Variants in MED12L observed in about 807,000 individuals in gnomAD.
The protein encoded by MED12L is mediator of RNA polymerase II transcription subunit 12-like protein.
In MED12L, 60 loss-of-function variants were observed where a neutral mutation model predicts 281.3. That is an observed-to-expected ratio of 0.21 (90% CI 0.17 to 0.26). MED12L has a LOEUF of 0.26. MED12L is among the 10% of genes least tolerant of loss of function. The pLI, the probability that MED12L is intolerant of heterozygous loss-of-function variation, is 1.00. For missense variants in MED12L, 2,146 were observed against 2,680.9 expected, an observed-to-expected ratio of 0.80 and a Z score of 4.41; for synonymous variants, 974 against 987.2, an observed-to-expected ratio of 0.99 and a Z score of 0.25.
intron 38 of MED12L, among the ~76,000 whole-genome samples, chr3:151,391,760 T>C (rs1714261192): frequency 6.6e-6 from 1 of 152,214 alleles, no homozygotes. Flanking sequence ...TTTATTATCT[T>C]CCCAGAATGT....
At chr3:151,312,027 G>A (rs1420794474) in intron 16 of MED12L, among the ~76,000 whole-genome samples, 1 of 131,252 alleles carries the variant, frequency 7.6e-6, no homozygotes, top group Non-Finnish European at 1.6e-5. Context: ...GGGTGACAAA[G>A]CGAGACTCCG....
intron 16 of MED12L, among the ~76,000 whole-genome samples, chr3:151,250,105 T>C (rs911072441): frequency 6.6e-5 from 10 of 152,294 alleles, no homozygotes; most frequent in African/African-American, 1.2e-4. Context: ...TTGTTGGAAA[T>C]GGTCTGCGTT....
At chr3:151,350,332 T>A in intron 17 of MED12L, 126 bp downstream of exon 17, 1 of 790,574 alleles carries the variant, frequency 1.3e-6, no homozygotes, top group Non-Finnish European at 1.9e-6. Context: ...ACTCTCACAT[T>A]GAAATGTGAA....
chr3:151,380,131 A>G lies in MED12L; in HGVS notation c.4497A>G (p.Gln1499=), dbSNP rs761257347. 1.2e-6 allele frequency: 2 copies of G among 1,600,706 alleles called. No homozygotes were observed. The highest frequency in any genetic ancestry group is 1.4e-5 in the African/African-American group (1 of 73,824). Residue 1499 remains glutamine, a synonymous_variant, in exon 32 of 45, where the codon CAA becomes CAG. Coordinates refer to ENST00000687756, the MANE Select transcript of MED12L (RefSeq NM_001393769.1). ...TTTGTAGTATGTCTCTTTTGAGTCAACAACCCTTCCTCTCACTGGTACTTA... is the reference window on the plus strand; with the variant it reads ...TTTGTAGTATGTCTCTTTTGAGTCAGCAACCCTTCCTCTCACTGGTACTTA... ...QKQKSMSLLS[Q]QPFLSLVLTC...
intron 11 of MED12L, among the ~76,000 whole-genome samples, chr3:151,182,630 T>C (rs1021890490): frequency 8.5e-5 from 13 of 152,134 alleles, no homozygotes; most frequent in African/African-American, 3.1e-4. Context: ...GGGCTTAGCA[T>C]GTCTGAGGGG....
intron 21 of MED12L, among the ~76,000 whole-genome samples, 157 bp from the exon 22 acceptor site, chr3:151,364,822 C>T (rs936880694): frequency 2.0e-5 from 3 of 152,006 alleles, no homozygotes; most frequent in African/African-American, 4.8e-5. Flanking sequence ...CTTTGATTAG[C>T]GCCAATTAGT....
At chr3:151,327,830 A>C (rs1437770144) in intron 16 of MED12L, 1 of 507,632 alleles carries the variant, frequency 2.0e-6, no homozygotes, top group Non-Finnish European at 3.4e-6. Flanking sequence ...GCTTATGAAT[A>C]GATCTATGTG....
rs1398411955 is a variant in MED12L, at chr3:151,383,926, T to A, written c.4790+38T>A. On this transcript the variant is annotated intron_variant, in intron 34 of 44. Coordinates refer to ENST00000687756, the MANE Select transcript of MED12L (RefSeq NM_001393769.1). Reference sequence around the variant, plus strand: ...CACTTCACATTGATTTTGCTACATGTATGCATGGTATAAGCTTTGATATAC... The same window carrying A: ...CACTTCACATTGATTTTGCTACATGAATGCATGGTATAAGCTTTGATATAC... The A allele has an allele frequency of 2.6e-6, 4 of 1,555,240 alleles. No individual in the cohort carries two copies. The East Asian group carries it at 9.0e-5, about 35-fold the overall frequency.
intron 40 of MED12L, among the ~76,000 whole-genome samples, chr3:151,409,855 G>T (rs1157477460): frequency 6.6e-6 from 1 of 151,648 alleles, no homozygotes; most frequent in East Asian, 1.9e-4. Context: ...AGTCCCAGTT[G>T]CACGGGAGGC....
At chr3:151,137,000 A>G (rs956944219) in intron 5 of MED12L, among the ~76,000 whole-genome samples, 10 of 151,916 alleles carry the variant, frequency 6.6e-5, no homozygotes, top group African/African-American at 2.4e-4. Flanking sequence ...CATCTCTACT[A>G]AAAATACAAA....
intron 16 of MED12L, among the ~76,000 whole-genome samples, chr3:151,246,685 C>T (rs1735578176): frequency 6.6e-6 from 1 of 152,218 alleles, no homozygotes; most frequent in African/African-American, 2.4e-5. Flanking sequence ...AAAACCTAGG[C>T]ATTACCATTC....
intron 16 of MED12L, among the ~76,000 whole-genome samples, chr3:151,310,454 T>G (rs1453728041): frequency 6.6e-6 from 1 of 152,210 alleles, no homozygotes; most frequent in Non-Finnish European, 1.5e-5. Flanking sequence ...GCCTACTCTT[T>G]GGGTGTTCAA....
chr3:151,199,411 C>T, intron 16 of MED12L: 2 of 1,553,608 alleles, frequency 1.3e-6, no homozygotes, highest in Non-Finnish European at 1.7e-6. Flanking sequence ...AGGATGACTG[C>T]TTATTGAAAA....
chr3:151,231,755 T>C (rs1417255335), intron 16 of MED12L, among the ~76,000 whole-genome samples: 3 of 152,200 alleles, frequency 2.0e-5, no homozygotes, highest in Non-Finnish European at 4.4e-5. Context: ...ATACAGATTC[T>C]AGATTAGGTA....
At position 151,150,177 on chromosome 3, in the gene MED12L, C is replaced by T. The variant is rs74529368; in HGVS notation, c.557-5984C>T. 3.9e-5 allele frequency among the ~76,000 whole-genome samples: 6 copies of T among 152,260 alleles called. No homozygotes were observed. In the East Asian group the frequency reaches 5.8e-4, roughly 15 times the overall value. On this transcript the variant is annotated intron_variant, in intron 5 of 44. Coordinates refer to ENST00000687756, the MANE Select transcript of MED12L (RefSeq NM_001393769.1). ...AATCACTATCTGTGGCAGCTATGGC[C>T]TAATGAAATATATGTCTTAAATAAT...
At chr3:151,316,459 T>A (rs913189189) in intron 16 of MED12L, 6 of 152,246 alleles carry the variant, frequency 3.9e-5, no homozygotes, top group Non-Finnish European at 7.3e-5. Context: ...CATATCTTAC[T>A]GTCAGCATTC....
At chr3:151,249,370 T>G (rs1351987598) in intron 16 of MED12L, among the ~76,000 whole-genome samples, 1 of 152,154 alleles carries the variant, frequency 6.6e-6, no homozygotes, top group Non-Finnish European at 1.5e-5. Context: ...TTGAAATTAG[T>G]TGGAAAACCA....
rs114249871 is a variant in MED12L at position 151,321,368 on chromosome 3, G to A, written c.2251-28691G>A. Among the ~76,000 whole-genome samples, 521 of 152,156 alleles carry A rather than the reference G, an allele frequency of 3.4e-3. 4 individuals are homozygous for A. Among genetic ancestry groups the A allele is most frequent in the African/African-American group, 0.012 (504 of 41,516 alleles). On this transcript the variant is annotated intron_variant, in intron 16 of 44. Coordinates refer to ENST00000687756, the MANE Select transcript of MED12L (RefSeq NM_001393769.1). ...CGTCTCAGTAGGGTTACTGTGTTCA[G>A]GATAAAGCTTCATTCATTCACAGTT...
rs188315723 is a variant in MED12L, at chr3:151,225,239, T to C, written c.2250+31573T>C. Among the ~76,000 whole-genome samples, 21 of 152,312 alleles carry C rather than the reference T, an allele frequency of 1.4e-4. No individual in the cohort carries two copies. The East Asian group carries it at 3.5e-3, about 25-fold the overall frequency. ...GTTCTCTCTCTGTAATTGGCTACAC[T>C]CCCCTTATTTCTCAGAAATCCTTCT... On this transcript the variant is annotated intron_variant, in intron 16 of 44. Transcript: ENST00000687756.
Sources: gnomAD v4.1 joint callset for allele counts (sites outside exome capture counted in the v4.1 genomes callset) on GRCh38, gnomAD v4.1.1 for gene constraint, MANE v1.5 for transcripts, NCBI Gene and HGNC (gene_info 2026-07-23, HGNC 2026-07-21) for gene names.